Variants in DTNB observed in about 807,000 individuals in gnomAD.
DTNB encodes DTN-B.
A neutral mutation model predicts 90.7 loss-of-function variants in DTNB; 63 were observed. That is an observed-to-expected ratio of 0.69 (90% CI 0.57 to 0.86). The LOEUF (loss-of-function observed/expected upper bound fraction) is 0.86, where lower values mean the gene tolerates loss of function less well. DTNB is among the 40% of genes least tolerant of loss of function. The pLI is 0.00. For missense variants in DTNB, 744 were observed against 807.1 expected, an observed-to-expected ratio of 0.92 and a Z score of 0.95; for synonymous variants, 277 against 286.7, an observed-to-expected ratio of 0.97 and a Z score of 0.34.
intron 9 of DTNB, among the ~76,000 whole-genome samples, chr2:25,501,204 G>T (rs1012049807): frequency 7.1e-6 from 1 of 140,074 alleles, no homozygotes; most frequent in Non-Finnish European, 1.5e-5. Flanking sequence ...GCTAGATCTA[G>T]AAGTTTTTTT....
At chr2:25,525,636 CA>C (rs1198924215) in intron 9 of DTNB, among the ~76,000 whole-genome samples, 5 of 125,512 alleles carry the variant, frequency 4.0e-5, no homozygotes, top group African/African-American at 5.9e-5. Context: ...AATTCCGTCT[CA>C]AAAAAAAAAG....
At chr2:25,622,537 G>C (rs575336855) in intron 4 of DTNB, among the ~76,000 whole-genome samples, 2 of 152,240 alleles carry the variant, frequency 1.3e-5, no homozygotes, top group East Asian at 3.9e-4. Context: ...GGCCAGAAAT[G>C]TCATGTTCAA....
chr2:25,631,012 TA>T (rs1388554175), intron 3 of DTNB, among the ~76,000 whole-genome samples: 2 of 151,840 alleles, frequency 1.3e-5, no homozygotes, highest in Admixed American at 6.6e-5. Flanking sequence ...GCAAATCCAT[TA>T]AAAAAAAGTA....
intron 10 of DTNB, among the ~76,000 whole-genome samples, chr2:25,471,592 C>A (rs2062820624): frequency 6.6e-6 from 1 of 152,032 alleles, no homozygotes; most frequent in Admixed American, 6.6e-5. Context: ...GACAGGGTTT[C>A]GCTATGTTGG....
At chr2:25,504,457 G>A (rs1244868712) in intron 9 of DTNB, among the ~76,000 whole-genome samples, 2 of 147,662 alleles carry the variant, frequency 1.4e-5, no homozygotes, top group Non-Finnish European at 1.5e-5. Context: ...GGAAAGAAAG[G>A]AAGGAAGGAA....
At chr2:25,532,017 T>C (rs1003236961) in intron 8 of DTNB, among the ~76,000 whole-genome samples, 3 of 152,122 alleles carry the variant, frequency 2.0e-5, no homozygotes, top group African/African-American at 7.2e-5. Context: ...AAGGCCAAGG[T>C]AGGTGGATCA....
chr2:25,612,050 C>T (rs2068775713), intron 4 of DTNB, among the ~76,000 whole-genome samples: 2 of 152,132 alleles, frequency 1.3e-5, no homozygotes, highest in African/African-American at 4.8e-5. Context: ...ATTCTTTTCA[C>T]ATGGAATTTA....
intron 11 of DTNB, among the ~76,000 whole-genome samples, chr2:25,453,782 T>C (rs2059612934): frequency 6.6e-6 from 1 of 152,194 alleles, no homozygotes; most frequent in Admixed American, 6.5e-5. Context: ...TGTGATGCAG[T>C]GCACACAATT....
rs1221689606 is a variant in DTNB at position 25,577,534 on chromosome 2, C to A, written c.710-530G>T. Among the ~76,000 whole-genome samples, 4 of 148,548 alleles carry A rather than the reference C, an allele frequency of 2.7e-5. No homozygotes were observed. In the Middle Eastern group the frequency reaches 0.01, roughly 379 times the overall value. ...CTAGAAAAAAAAAAAAGATTTAATA[C>A]ATCAGAAAAAAAAATTCAACACAGA... is the stretch of plus-strand genomic sequence containing the variant. On this transcript the variant is annotated intron_variant, in intron 7 of 20. Coordinates refer to ENST00000406818, the MANE Select transcript of DTNB (RefSeq NM_021907.5).
chr2:25,568,233 G>A (rs1411092513), intron 8 of DTNB, among the ~76,000 whole-genome samples: 2 of 152,054 alleles, frequency 1.3e-5, no homozygotes, highest in African/African-American at 4.8e-5. Context: ...TCTGGAGATG[G>A]ATGCTGGTGA....
chr2:25,563,271 T>C (rs2058526412), intron 8 of DTNB, among the ~76,000 whole-genome samples: 1 of 152,212 alleles, frequency 6.6e-6, no homozygotes, highest in Non-Finnish European at 1.5e-5. Flanking sequence ...TATTTTGCCC[T>C]TTACCCATTT....
intron 9 of DTNB, among the ~76,000 whole-genome samples, chr2:25,506,102 G>A (rs2150620645): frequency 6.6e-6 from 1 of 152,298 alleles, no homozygotes; most frequent in Non-Finnish European, 1.5e-5. Flanking sequence ...CATACAGGTA[G>A]AGAGTAGAAT....
intron 9 of DTNB, among the ~76,000 whole-genome samples, chr2:25,511,435 G>C (rs572528100): frequency 6.6e-6 from 1 of 151,934 alleles, no homozygotes; most frequent in Admixed American, 6.6e-5. Flanking sequence ...GGGTTAAAAC[G>C]ATACTCCTAT....
intron 8 of DTNB, among the ~76,000 whole-genome samples, chr2:25,570,406 C>CAAAAAAAAA (rs146251976): frequency 2.2e-5 from 2 of 89,906 alleles, no homozygotes; most frequent in African/African-American, 1.0e-4. Context: ...TTTCCTGTCT[C>CAAAAAAAAA]AAAAAAAAAA....
At chr2:25,503,761 C>T (rs1207755957) in intron 9 of DTNB, among the ~76,000 whole-genome samples, 1 of 150,802 alleles carries the variant, frequency 6.6e-6, no homozygotes, top group Non-Finnish European at 1.5e-5. Flanking sequence ...AAAAACAATA[C>T]AAAAAATTAG....
intron 8 of DTNB, among the ~76,000 whole-genome samples, chr2:25,557,426 A>G (rs2057549376): frequency 6.6e-6 from 1 of 152,210 alleles, no homozygotes; most frequent in Admixed American, 6.5e-5. Context: ...AAGTGCTACC[A>G]CAGGTCAAAA....
chr2:25,528,674 T>C (rs2077597364), intron 9 of DTNB, among the ~76,000 whole-genome samples: 1 of 152,206 alleles, frequency 6.6e-6, no homozygotes, highest in Non-Finnish European at 1.5e-5. Context: ...AAATATTCCA[T>C]TTGCATAACA....
chr2:25,612,390 G>A (rs186983362), intron 4 of DTNB, among the ~76,000 whole-genome samples: 5 of 152,066 alleles, frequency 3.3e-5, no homozygotes, highest in Admixed American at 2.0e-4. Flanking sequence ...ACTGGTTGCC[G>A]CCAGGGTGGG....
At chr2:25,451,796 T>C (rs551100446) in intron 11 of DTNB, among the ~76,000 whole-genome samples, 161 bp from the exon 12 acceptor site, 2 of 152,170 alleles carry the variant, frequency 1.3e-5, no homozygotes, top group South Asian at 4.1e-4. Context: ...AAAAAGGGGA[T>C]TTAGAGAAAT....
Sources: allele counts gnomAD v4.1 joint callset (sites outside exome capture counted in the v4.1 genomes callset), GRCh38; gene constraint gnomAD v4.1.1; transcripts MANE v1.5; gene names NCBI Gene and HGNC (gene_info 2026-07-23, HGNC 2026-07-21).